The following DCUN1D4 variants were observed in gnomAD, a reference collection of about 807,000 sequenced individuals.
The protein encoded by DCUN1D4 is DCN1-like protein 4.
DCUN1D4 carries 22 observed loss-of-function variants against 47.9 expected under a neutral mutation model. The ratio of observed to expected loss-of-function variants is 0.46; its 90% CI spans 0.33 to 0.66. The LOEUF is 0.66. Ranked by LOEUF, DCUN1D4 falls within the 30% of genes least tolerant of loss-of-function variation. The pLI is 0.02. For synonymous variants in DCUN1D4, 121 were observed against 112.2 expected, an observed-to-expected ratio of 1.08 and a Z score of -0.50; for missense variants, 301 against 340.8, an observed-to-expected ratio of 0.88 and a Z score of 0.92.
chr4:51,864,608 C>G (rs1422651588), intron 3 of DCUN1D4, among the ~76,000 whole-genome samples: 1 of 152,172 alleles, frequency 6.6e-6, no homozygotes, highest in East Asian at 1.9e-4. Context: ...CTGTTCCTCA[C>G]TGATGGTGCC....
intron 8 of DCUN1D4, chr4:51,905,213 AAGGATCCTC>A (rs1732693450): frequency 8.8e-6 from 4 of 455,434 alleles, no homozygotes; most frequent in South Asian, 6.2e-5. Context: ...TGAGAGCTGA[AAGGATCCTC>A]AGAAGTCATC....
At chr4:51,883,442 T>G (rs1329927039) in intron 5 of DCUN1D4, among the ~76,000 whole-genome samples, 1 of 152,214 alleles carries the variant, frequency 6.6e-6, no homozygotes, top group Non-Finnish European at 1.5e-5. Flanking sequence ...AATGTGCACA[T>G]GTGGATATAT....
In DCUN1D4 at chr4:51,916,366, A is replaced by G. The variant is rs748840810; in HGVS notation, c.*2782A>G. ...GGCAAACCTAGATTCTGGTTTCACA[A>G]TGGATTTATTTTCTCTCTCAGTCTC... On this transcript the variant is annotated 3_prime_UTR_variant, in exon 11 of 11. Coordinates refer to ENST00000334635, the MANE Select transcript of DCUN1D4 (RefSeq NM_001040402.3). The G allele has an allele frequency of 6.6e-6, 1 of 152,548 alleles. No individual in the cohort carries two copies. Among genetic ancestry groups the G allele is most frequent in the African/African-American group, 2.4e-5 (1 of 41,434 alleles). The allele number at this position is 152,548 out of a possible 1,614,324, so 9.4% of individuals were successfully genotyped here.
Position 51,913,766 on chromosome 4 carries a change from G to T in DCUN1D4, c.*182G>T. ...CTTGCTGTGTGGCATTGTTCTCTTG[G>T]AAGGCTGCTTTGCAGTTTGTATTTA... On this transcript the variant is annotated 3_prime_UTR_variant, in exon 11 of 11. Transcript: ENST00000334635. 1 of 561,562 alleles carries T rather than the reference G, an allele frequency of 1.8e-6. No individual in the cohort carries two copies. The highest frequency in any genetic ancestry group is 3.1e-6 in the Non-Finnish European group (1 of 322,902). The allele number at this position is 561,562 out of a possible 1,614,324, so 34.8% of individuals were successfully genotyped here. A position where few individuals can be genotyped will look rare whatever the true frequency, so the allele number is the denominator to read the frequency against.
At chr4:51,874,180 G>A in intron 3 of DCUN1D4, 91 bp from the exon 4 acceptor site, 1 of 693,576 alleles carries the variant, frequency 1.4e-6, no homozygotes, top group Non-Finnish European at 2.3e-6. Flanking sequence ...ACAAGCTGTG[G>A]AAGTGTTTAA....
chr4:51,842,775 A>G (rs1222388134), upstream of DCUN1D4, among the ~76,000 whole-genome samples: 1 of 152,184 alleles, frequency 6.6e-6, no homozygotes, highest in African/African-American at 2.4e-5. Flanking sequence ...GCTTTGTTTC[A>G]GACGCCGACC....
chr4:51,865,177 A>G, intron 3 of DCUN1D4: 1 of 205,124 alleles, frequency 4.9e-6, no homozygotes, highest in Non-Finnish European at 1.1e-5. Flanking sequence ...TTTTGACTTC[A>G]GACTTTTCTT....
At chr4:51,907,557 T>A (rs767887400) in intron 8 of DCUN1D4, among the ~76,000 whole-genome samples, 5 of 152,244 alleles carry the variant, frequency 3.3e-5, no homozygotes, top group Non-Finnish European at 7.3e-5. Context: ...AATTTCTGAC[T>A]TCACCATTTA....
At chr4:51,842,889 C>A (rs534611385), upstream of DCUN1D4, 2 of 362,546 alleles carry the variant, frequency 5.5e-6, no homozygotes, top group Admixed American at 1.0e-4. Context: ...TACACGCGCT[C>A]TCGGACCCCT....
Position 51,885,525 on chromosome 4 carries a change from A to G in DCUN1D4, c.344-1043A>G, listed in dbSNP as rs1263022090. On this transcript the variant is annotated intron_variant, in intron 5 of 10. Transcript: ENST00000334635. ...GTTTGAAAATGTGAAATGCGGGAGG[A>G]GTAGGTTTGAAGCAGAAGATGAGTG... 2.2e-5 allele frequency among the ~76,000 whole-genome samples: 3 copies of G among 134,642 alleles called. No homozygotes were observed. In the East Asian group the frequency reaches 6.7e-4, roughly 30 times the overall value. 88.3% of individuals were successfully genotyped at this position (134,642 alleles called of 152,430 possible).
the DCUN1D4 span, among the ~76,000 whole-genome samples, chr4:51,836,857 A>T: frequency 1.3e-5 from 2 of 152,152 alleles, no homozygotes; most frequent in Non-Finnish European, 2.9e-5. Context: ...AGCCACCAAC[A>T]ACCGGAGATG....
chr4:51,871,906 G>T lies in DCUN1D4; in HGVS notation c.137-2365G>T, dbSNP rs544756369. Among the ~76,000 whole-genome samples, 3 of 152,286 alleles carry T rather than the reference G, an allele frequency of 2.0e-5. No individual in the cohort carries two copies. In the South Asian group the frequency reaches 6.2e-4, roughly 32 times the overall value. On this transcript the variant is annotated intron_variant, in intron 3 of 10. Transcript: ENST00000334635. ...TACAGGGAAGATGAATGGGGTGTGT[G>T]GGGTGGTGGGCAGCACTCCCCTTGA...
intron 9 of DCUN1D4, 69 bp downstream of exon 9, chr4:51,911,243 G>A (rs966661941): frequency 1.7e-5 from 24 of 1,393,422 alleles, no homozygotes; most frequent in Admixed American, 1.0e-4. Context: ...TTATTCACCC[G>A]TTGTATGTAA....
intron 1 of DCUN1D4, among the ~76,000 whole-genome samples, chr4:51,847,112 T>A (rs1349173274): frequency 4.6e-5 from 7 of 152,184 alleles, no homozygotes; most frequent in African/African-American, 1.4e-4. Context: ...ATATGGCCTT[T>A]CGTAGGGTGG....
chr4:51,895,318 C>G (rs1164380694), intron 7 of DCUN1D4, among the ~76,000 whole-genome samples: 1 of 151,804 alleles, frequency 6.6e-6, no homozygotes, highest in Non-Finnish European at 1.5e-5. Context: ...TGGTAGCATC[C>G]TTAAACTAGG....
At chr4:51,867,261 A>C (rs1726097278) in intron 3 of DCUN1D4, among the ~76,000 whole-genome samples, 1 of 152,164 alleles carries the variant, frequency 6.6e-6, no homozygotes, top group Non-Finnish European at 1.5e-5. Context: ...AACCCCAAAG[A>C]GGGTGTCACA....
chr4:51,902,855 A>G (rs1309600637), intron 8 of DCUN1D4, among the ~76,000 whole-genome samples: 1 of 151,842 alleles, frequency 6.6e-6, no homozygotes, highest in Non-Finnish European at 1.5e-5. Context: ...TGCCTTATTA[A>G]CTTTTTTTTC....
At chr4:51,901,248 G>C (rs569078529) in intron 8 of DCUN1D4, among the ~76,000 whole-genome samples, 16 of 152,314 alleles carry the variant, frequency 1.1e-4, no homozygotes, top group African/African-American at 3.8e-4. Flanking sequence ...ATACGACACA[G>C]TTGTTCCCAT....
intron 6 of DCUN1D4, among the ~76,000 whole-genome samples, chr4:51,887,467 A>G (rs1450289151): frequency 6.6e-6 from 1 of 152,104 alleles, no homozygotes; most frequent in African/African-American, 2.4e-5. Flanking sequence ...TTATAAGCTT[A>G]ATTATTTTTG....
Sources: allele counts gnomAD v4.1 joint callset (sites outside exome capture counted in the v4.1 genomes callset), GRCh38; gene constraint gnomAD v4.1.1; transcripts MANE v1.5; gene names NCBI Gene and HGNC (gene_info 2026-07-23, HGNC 2026-07-21).